The following CAST variants were observed in gnomAD, a reference collection of about 807,000 sequenced individuals.
CAST encodes calpastatin, also known as MIR583 host.
In CAST, 76 loss-of-function variants were observed where a neutral mutation model predicts 119.6. The ratio of observed to expected loss-of-function variants is 0.64; its 90% CI spans 0.53 to 0.77. The LOEUF (loss-of-function observed/expected upper bound fraction) is 0.77, where lower values mean the gene tolerates loss of function less well. Among genes scored for constraint, CAST ranks in the 30% least tolerant of loss-of-function variants. The pLI is 0.00. For synonymous variants in CAST, 319 were observed against 331.6 expected, an observed-to-expected ratio of 0.96 and a Z score of 0.41; for missense variants, 953 against 946.5, an observed-to-expected ratio of 1.01 and a Z score of -0.09.
the CAST span, among the ~76,000 whole-genome samples, chr5:96,064,980 T>C: frequency 6.6e-6 from 1 of 152,124 alleles, no homozygotes; most frequent in African/African-American, 2.4e-5. Flanking sequence ...TGACTTCACA[T>C]GTTGGTAATG....
intron 1 of CAST, among the ~76,000 whole-genome samples, chr5:96,616,589 T>C (rs1342338572): frequency 6.6e-6 from 1 of 152,098 alleles, no homozygotes; most frequent in Admixed American, 6.5e-5. Flanking sequence ...ATCTTCACTT[T>C]ACAGGGAAGA....
At chr5:96,146,558 G>A in the CAST span, among the ~76,000 whole-genome samples, 1 of 152,222 alleles carries the variant, frequency 6.6e-6, no homozygotes, top group African/African-American at 2.4e-5. Context: ...GCAGGACCAG[G>A]AAAAGTGAGA....
chr5:96,369,526 G>A, the CAST span, among the ~76,000 whole-genome samples: 5 of 152,122 alleles, frequency 3.3e-5, no homozygotes, highest in Admixed American at 6.5e-5. Context: ...TCACTCTGAC[G>A]TGATCTGGCT....
chr5:96,077,914 C>T, the CAST span, among the ~76,000 whole-genome samples: 1 of 152,200 alleles, frequency 6.6e-6, no homozygotes, highest in Admixed American at 6.5e-5. Context: ...AGGAACAGTA[C>T]ACTTTGACTA....
the CAST span, among the ~76,000 whole-genome samples, chr5:96,290,672 G>A: frequency 4.6e-5 from 7 of 152,278 alleles, no homozygotes; most frequent in Admixed American, 1.3e-4. Flanking sequence ...AGAGTGAAGC[G>A]AGCTGCTTTC....
intron 1 of CAST, among the ~76,000 whole-genome samples, chr5:96,652,627 T>G (rs752446620): frequency 2.0e-5 from 3 of 152,192 alleles, no homozygotes; most frequent in Non-Finnish European, 4.4e-5. Context: ...CACACAGCAT[T>G]TGGCCTAACC....
chr5:96,711,491 A>G (rs1423134238), intron 3 of CAST, among the ~76,000 whole-genome samples: 1 of 152,226 alleles, frequency 6.6e-6, no homozygotes, highest in Non-Finnish European at 1.5e-5. Flanking sequence ...TTATTGGACA[A>G]CTACTGTGCT....
At chr5:96,550,442 A>T (rs1746107063) in intron 1 of CAST, among the ~76,000 whole-genome samples, 1 of 152,190 alleles carries the variant, frequency 6.6e-6, no homozygotes, top group African/African-American at 2.4e-5. Context: ...GGTAGATAAA[A>T]CCACAAAATG....
chr5:96,297,615 G>C, the CAST span, among the ~76,000 whole-genome samples: 1 of 152,176 alleles, frequency 6.6e-6, no homozygotes, highest in African/African-American at 2.4e-5. Context: ...TAAGCAGGAA[G>C]ATAAACCTGA....
the CAST span, among the ~76,000 whole-genome samples, chr5:96,268,948 A>G: frequency 6.6e-6 from 1 of 152,124 alleles, no homozygotes; most frequent in South Asian, 2.1e-4. Context: ...GTGAGTTCTC[A>G]TGAGATCTGA....
chr5:96,106,107 CTT>C, the CAST span, among the ~76,000 whole-genome samples: 2 of 151,932 alleles, frequency 1.3e-5, no homozygotes, highest in Non-Finnish European at 2.9e-5. Flanking sequence ...TGTATTGTGT[CTT>C]TTGATTCTTC....
intron 1 of CAST, among the ~76,000 whole-genome samples, chr5:96,532,094 T>C (rs980894178): frequency 1.3e-5 from 2 of 151,868 alleles, no homozygotes; most frequent in African/African-American, 4.8e-5. Flanking sequence ...CATCTCAAAA[T>C]AACGAAGTTA....
chr5:96,364,120 T>A, the CAST span, among the ~76,000 whole-genome samples: 1 of 152,242 alleles, frequency 6.6e-6, no homozygotes, highest in Admixed American at 6.5e-5. Context: ...GTTCTGTTTA[T>A]ATGCTGGATT....
intron 1 of CAST, among the ~76,000 whole-genome samples, chr5:96,663,983 G>T (rs1468018909): frequency 6.6e-6 from 1 of 151,610 alleles, no homozygotes; most frequent in Non-Finnish European, 1.5e-5. Context: ...TGTTGACAGT[G>T]AGAGCCAAAA....
At chr5:95,968,057 G>C in the CAST span, among the ~76,000 whole-genome samples, 1 of 152,258 alleles carries the variant, frequency 6.6e-6, no homozygotes, top group East Asian at 1.9e-4. Context: ...ATCTACCTTT[G>C]AACATGGCTA....
At chr5:96,680,354 C>CAAAAAAAAAAAAAAAA (rs71617135) in intron 2 of CAST, among the ~76,000 whole-genome samples, 1 of 29,242 alleles carries the variant, frequency 3.4e-5, no homozygotes. Context: ...GACTCTGTCT[C>CAAAAAAAAAAAAAAAA]AAAAAAAAAA....
the CAST span, chr5:96,429,317 T>A: frequency 6.7e-7 from 1 of 1,498,982 alleles, no homozygotes; most frequent in Admixed American, 1.7e-5. Context: ...AGTGAACCAA[T>A]CTATAAAAGG....
chr5:96,347,434 A>G, the CAST span, among the ~76,000 whole-genome samples: 1 of 152,198 alleles, frequency 6.6e-6, no homozygotes, highest in Admixed American at 6.6e-5. Flanking sequence ...GTGGATGACC[A>G]GGTGCACTCC....
chr5:96,024,293 G>A, the CAST span, among the ~76,000 whole-genome samples: 1 of 152,180 alleles, frequency 6.6e-6, no homozygotes, highest in African/African-American at 2.4e-5. Context: ...CCAGAAGGTA[G>A]CGGTGGGGAG....
Sources: gnomAD v4.1 joint callset for allele counts (sites outside exome capture counted in the v4.1 genomes callset) on GRCh38, gnomAD v4.1.1 for gene constraint, MANE v1.5 for transcripts, NCBI Gene and HGNC (gene_info 2026-07-23, HGNC 2026-07-21) for gene names.